INPP5B: variants seen among roughly 807,000 people sequenced by gnomAD.
INPP5B encodes type II inositol 1,4,5-trisphosphate 5-phosphatase.
INPP5B carries 90 observed loss-of-function variants against 118.5 expected under a neutral mutation model. That is an observed-to-expected ratio of 0.76 (90% CI 0.64 to 0.90). The LOEUF (loss-of-function observed/expected upper bound fraction) is 0.90. INPP5B is among the 40% of genes least tolerant of loss of function. The probability of loss-of-function intolerance (pLI) is 0.00; values close to 1 mark genes in which losing one functional copy is unlikely to be tolerated. For synonymous variants in INPP5B, 385 were observed against 418.9 expected, an observed-to-expected ratio of 0.92 and a Z score of 0.99; for missense variants, 984 against 1,125.6, an observed-to-expected ratio of 0.87 and a Z score of 1.80.
chr1:37,899,029 A>C (rs1275766404), intron 7 of INPP5B, among the ~76,000 whole-genome samples: 1 of 151,768 alleles, frequency 6.6e-6, no homozygotes, highest in Non-Finnish European at 1.5e-5. Context: ...CAAAAATGCA[A>C]AATTAGCCAG....
chr1:37,931,823 C>A (rs756896135), intron 7 of INPP5B, 90 bp downstream of exon 7: 1 of 1,609,868 alleles, frequency 6.2e-7, no homozygotes, highest in Non-Finnish European at 8.5e-7. Context: ...CCTGTCTTCT[C>A]CATCGCTCCG....
chr1:37,874,968 T>C (rs17805826), intron 17 of INPP5B, among the ~76,000 whole-genome samples: 3,917 of 152,306 alleles, frequency 0.026, 72 homozygotes, highest in Non-Finnish European at 0.038. Flanking sequence ...CATTAACTCA[T>C]GGGTATCCAA....
intron 7 of INPP5B, among the ~76,000 whole-genome samples, chr1:37,921,591 T>G (rs1383111395): frequency 1.3e-5 from 2 of 152,210 alleles, no homozygotes; most frequent in Non-Finnish European, 2.9e-5. Flanking sequence ...TCACGCCTAT[T>G]ATCTCCACAC....
chr1:37,904,389 G>T (rs896607262), intron 7 of INPP5B, among the ~76,000 whole-genome samples: 1 of 151,996 alleles, frequency 6.6e-6, no homozygotes, highest in Non-Finnish European at 1.5e-5. Context: ...CGCCTAAAGG[G>T]TTAAAGGATT....
intron 11 of INPP5B, 82 bp downstream of exon 11, chr1:37,887,269 G>A: frequency 2.2e-6 from 2 of 915,882 alleles, no homozygotes; most frequent in Non-Finnish European, 1.7e-6. Flanking sequence ...TTAAGATAAA[G>A]GTCATGGAAA....
At chr1:37,902,691 G>C (rs1465183986) in intron 7 of INPP5B, among the ~76,000 whole-genome samples, 1 of 152,000 alleles carries the variant, frequency 6.6e-6, no homozygotes, top group Non-Finnish European at 1.5e-5. Context: ...CTGAGTATCT[G>C]GGATTACAGG....
intron 1 of INPP5B, 126 bp from the exon 2 acceptor site, chr1:37,946,460 C>A (rs4511079): frequency 6.1e-6 from 4 of 657,014 alleles, no homozygotes; most frequent in Non-Finnish European, 1.1e-5. Context: ...CCGGGGAGGC[C>A]TGATCCTCCT....
intron 7 of INPP5B, among the ~76,000 whole-genome samples, chr1:37,896,758 C>T (rs559768648): frequency 7.8e-6 from 1 of 127,674 alleles, no homozygotes. Context: ...CCAGCCGCCC[C>T]GTCCCGGAGG....
chr1:37,898,300 A>T (rs995464930), intron 7 of INPP5B, among the ~76,000 whole-genome samples: 2 of 152,194 alleles, frequency 1.3e-5, no homozygotes, highest in Non-Finnish European at 2.9e-5. Flanking sequence ...AATGAAGAAC[A>T]GGGGACTTTT....
rs1238420344 is a variant in INPP5B at position 37,891,382 on chromosome 1, T to C, written c.605A>G (p.Asp202Gly). The C allele has an allele frequency of 1.9e-6, 3 of 1,613,928 alleles. No individual in the cohort carries two copies. Among genetic ancestry groups the C allele is most frequent in the Admixed American group, 3.3e-5 (2 of 59,994 alleles). The change falls in exon 8 of 24, where the codon GAT becomes GGT. Residue 202 changes from aspartate (D) to glycine (G), a missense_variant. Asp to Gly is a moderately conservative substitution (Grantham distance 94). This residue lies in a region of INPP5B where 350 missense variants were observed against 334.6 expected (regional missense o/e 1.05). Transcript: ENST00000373024. ...CCTTGGTTGCAAGCTTTCTGGTTTATCTTGACCCCTGGAGCTTTGGTCCAT... is the reference window on the plus strand; with the variant it reads ...CCTTGGTTGCAAGCTTTCTGGTTTACCTTGACCCCTGGAGCTTTGGTCCAT... ...VPMDQSSRGQ[D>G]KPESLQPRQN... is the part of the protein sequence containing the mutation.
intron 3 of INPP5B, among the ~76,000 whole-genome samples, chr1:37,944,397 CTT>C (rs1369565603): frequency 6.6e-6 from 1 of 151,998 alleles, no homozygotes; most frequent in Admixed American, 6.6e-5. Context: ...TTATGGAGCA[CTT>C]TCTTTTTTTT....
At chr1:37,906,426 T>C (rs1451736862) in intron 7 of INPP5B, among the ~76,000 whole-genome samples, 1 of 152,208 alleles carries the variant, frequency 6.6e-6, no homozygotes, top group Non-Finnish European at 1.5e-5. Flanking sequence ...TTTAAAAGCC[T>C]ATGTAAAAAA....
chr1:37,876,716 A>AAAAC (rs1482251835), intron 16 of INPP5B, among the ~76,000 whole-genome samples: 1 of 148,872 alleles, frequency 6.7e-6, no homozygotes, highest in Non-Finnish European at 1.5e-5. Flanking sequence ...AAAAAAAAAA[A>AAAAC]AAAAAAACCA....
At chr1:37,878,806 T>C (rs1445742455) in intron 15 of INPP5B, among the ~76,000 whole-genome samples, 1 of 151,688 alleles carries the variant, frequency 6.6e-6, no homozygotes, top group Non-Finnish European at 1.5e-5. Context: ...TGCACCGCCA[T>C]GGCTGGCTAA....
intron 7 of INPP5B, among the ~76,000 whole-genome samples, chr1:37,901,203 G>A (rs1644320223): frequency 6.6e-6 from 1 of 152,138 alleles, no homozygotes. Flanking sequence ...TCTTTCTTCT[G>A]CTTCCTTGCC....
At chr1:37,866,275 G>T (rs1186551849) in intron 21 of INPP5B, among the ~76,000 whole-genome samples, 184 bp downstream of exon 21, 2 of 152,070 alleles carry the variant, frequency 1.3e-5, no homozygotes, top group Non-Finnish European at 2.9e-5. Context: ...AATAAATAAA[G>T]TTGTAAAGTC....
In INPP5B at chr1:37,885,622, G is replaced by A. The variant is rs902149603; in HGVS notation, c.1319+16C>T. 1 of 1,611,602 alleles carries A rather than the reference G, an allele frequency of 6.2e-7. No homozygotes were observed. The highest frequency in any genetic ancestry group is 8.5e-7 in the Non-Finnish European group (1 of 1,178,880). On this transcript the variant is annotated intron_variant, in intron 13 of 23. Transcript: ENST00000373024. Reference sequence around the variant, plus strand: ...GTACTCATGGTGAACCGCATGGGGTGGAAGCCCAGACTCACTCATGGTTGC... The same window carrying A: ...GTACTCATGGTGAACCGCATGGGGTAGAAGCCCAGACTCACTCATGGTTGC...
At chr1:37,927,778 C>T (rs531219549) in intron 7 of INPP5B, among the ~76,000 whole-genome samples, 1 of 152,124 alleles carries the variant, frequency 6.6e-6, no homozygotes, top group East Asian at 1.9e-4. Context: ...ACCTCGTGAT[C>T]CGCCCTCCTT....
intron 23 of INPP5B, among the ~76,000 whole-genome samples, chr1:37,863,095 G>T (rs1029189101): frequency 6.6e-6 from 1 of 152,170 alleles, no homozygotes; most frequent in Non-Finnish European, 1.5e-5. Context: ...CACGGGCGTT[G>T]GAGGGTGTGG....
Sources: gnomAD v4.1 joint callset for allele counts (sites outside exome capture counted in the v4.1 genomes callset) on GRCh38, gnomAD v4.1.1 for gene constraint, gnomAD v4.1.1 regional missense constraint, MANE v1.5 for transcripts, NCBI Gene and HGNC (gene_info 2026-07-23, HGNC 2026-07-21) for gene names.